OARD1: variants seen among roughly 807,000 people sequenced by gnomAD.
The protein encoded by OARD1 is ADP-ribose glycohydrolase OARD1.
Under a neutral mutation model 19.7 loss-of-function variants are expected in OARD1, and 19 were observed. That is an observed-to-expected ratio of 0.96 (90% confidence interval 0.67 to 1.41). The LOEUF is 1.41. Ranked by LOEUF, OARD1 falls within the 40% of genes most tolerant of loss-of-function variation. The pLI is 0.00. For missense variants in OARD1, 190 were observed against 183.8 expected, an observed-to-expected ratio of 1.03 and a Z score of -0.20; for synonymous variants, 70 against 61.8, an observed-to-expected ratio of 1.13 and a Z score of -0.62.
At chr6:41,071,980 C>G (rs1763445372) in intron 1 of OARD1, 1 of 340,054 alleles carries the variant, frequency 2.9e-6, no homozygotes, top group Non-Finnish European at 5.5e-6. Context: ...GGAGCAAGGC[C>G]GATTTAGGAC....
At chr6:41,081,602 C>T (rs1164833687) in intron 1 of OARD1, among the ~76,000 whole-genome samples, 1 of 152,134 alleles carries the variant, frequency 6.6e-6, no homozygotes, top group African/African-American at 2.4e-5. Flanking sequence ...CATATACAGA[C>T]ACACATAAAC....
chr6:41,079,644 G>A (rs1451500534), intron 1 of OARD1, among the ~76,000 whole-genome samples: 5 of 152,154 alleles, frequency 3.3e-5, no homozygotes, highest in Non-Finnish European at 5.9e-5. Flanking sequence ...AGACATACTA[G>A]AAAGGAATTC....
chr6:41,096,144 A>G (rs1764350271), intron 1 of OARD1, among the ~76,000 whole-genome samples: 1 of 152,130 alleles, frequency 6.6e-6, no homozygotes, highest in Admixed American at 6.5e-5. Flanking sequence ...AATAGTTCTC[A>G]TTTCTTAACT....
At chr6:41,073,559 C>T (rs983268469), upstream of OARD1, among the ~76,000 whole-genome samples, 1 of 152,036 alleles carries the variant, frequency 6.6e-6, no homozygotes, top group Non-Finnish European at 1.5e-5. Flanking sequence ...CCCCGGGGCC[C>T]GCGCCCCCCG....
chr6:41,070,870 TCA>T, intron 3 of OARD1: 1 of 600,974 alleles, frequency 1.7e-6, no homozygotes, highest in Non-Finnish European at 2.9e-6. Flanking sequence ...ACTAAGCATC[TCA>T]GAGTTATTTC....
At chr6:41,089,465 T>C (rs1764139419) in intron 1 of OARD1, 2 of 1,239,316 alleles carry the variant, frequency 1.6e-6, no homozygotes, top group African/African-American at 1.5e-5. Flanking sequence ...GCAGGACTTC[T>C]TTTTTCCTCT....
intron 1 of OARD1, among the ~76,000 whole-genome samples, chr6:41,086,411 A>G (rs1304048204): frequency 6.6e-6 from 1 of 152,188 alleles, no homozygotes; most frequent in Admixed American, 6.5e-5. Context: ...AAGTAGGGCT[A>G]TAACTAACCA....
chr6:41,070,707 A>G (rs1171488222), intron 3 of OARD1: 3 of 289,428 alleles, frequency 1.0e-5, no homozygotes, highest in Non-Finnish European at 1.9e-5. Flanking sequence ...CTGTTGCAGA[A>G]GCTTTACATA....
upstream of OARD1, among the ~76,000 whole-genome samples, chr6:41,074,335 C>T (rs111292721): frequency 1.3e-5 from 2 of 152,120 alleles, no homozygotes; most frequent in Non-Finnish European, 2.9e-5. Context: ...AGGTATAATC[C>T]GTGTGTTAGG....
chr6:41,089,593 A>G (rs1479421600), intron 1 of OARD1: 1 of 1,612,428 alleles, frequency 6.2e-7, no homozygotes, highest in East Asian at 2.2e-5. Flanking sequence ...AGTTGGTCCC[A>G]CCTGGACAGA....
chr6:41,089,078 G>C (rs890235613), intron 1 of OARD1, among the ~76,000 whole-genome samples: 1 of 151,980 alleles, frequency 6.6e-6, no homozygotes, highest in Non-Finnish European at 1.5e-5. Flanking sequence ...CTCCGCCTCC[G>C]GTTCAAGTGA....
rs1581993323 is a variant in OARD1, at chr6:41,064,966, T to A, written c.*2369A>T. The stretch of plus-strand genomic sequence containing the variant: ...CTATGTGGAAGCAAAAATTCACAGG[T>A]GAATTTCCGGGTGTTTGCCAAACTC... On this transcript the variant is annotated 3_prime_UTR_variant, in exon 6 of 6. Transcript: ENST00000424266. The A allele has an allele frequency of 6.6e-6, 1 of 151,844 alleles. No individual in the cohort carries two copies. Among genetic ancestry groups the A allele is most frequent in the Admixed American group, 6.6e-5 (1 of 15,242 alleles). The allele number at this position is 151,844 out of a possible 1,614,324, so 9.4% of individuals were successfully genotyped here.
chr6:41,091,999 G>T (rs1274437972), intron 1 of OARD1, among the ~76,000 whole-genome samples: 2 of 152,172 alleles, frequency 1.3e-5, no homozygotes, highest in African/African-American at 4.8e-5. Flanking sequence ...TCTTTGAGAA[G>T]TGGAAAGTAG....
At chr6:41,077,130 C>T (rs375381906), upstream of OARD1, among the ~76,000 whole-genome samples, 17 of 152,004 alleles carry the variant, frequency 1.1e-4, no homozygotes, top group African/African-American at 4.1e-4. Flanking sequence ...GGATATTAGT[C>T]AAGGAAAAAA....
intron 1 of OARD1, 137 bp from the exon 2 acceptor site, chr6:41,071,812 G>T: frequency 3.4e-6 from 2 of 592,776 alleles, no homozygotes; most frequent in Non-Finnish European, 6.1e-6. Flanking sequence ...CCCCTGGGAC[G>T]TAATACAAAA....
chr6:41,068,911 A>C lies in OARD1; in HGVS notation c.286T>G (p.Leu96Val). 1 of 1,610,402 alleles carries C rather than the reference A, an allele frequency of 6.2e-7. No homozygotes were observed. Among genetic ancestry groups the C allele is most frequent in the Admixed American group, 1.7e-5 (1 of 59,534 alleles). Residue 96 changes from leucine (L) to valine (V), a missense_variant, in exon 5 of 6, where the codon TTA becomes GTA. Coordinates refer to ENST00000424266, the MANE Select transcript of OARD1 (RefSeq NM_001329686.2). ...TTCATTGCCTCTAAACTCTTCTGTA[A>C]GTTTTCATAAGTTGGCTTGTGCGAA... ...RASHKPTYEN[L>V]QKSLEAMKSH... is the part of the protein sequence containing the mutation.
chr6:41,065,704 C>T lies in OARD1; in HGVS notation c.*1631G>A, dbSNP rs1040388397. On this transcript the variant is annotated 3_prime_UTR_variant, in exon 6 of 6. Transcript: ENST00000424266. ...AAATACTTTTTTGAAACTGTTGCCT[C>T]TTATCAGGCTGATATGTGATAAGAA... is the stretch of plus-strand genomic sequence containing the variant. 6.6e-6 allele frequency: 1 copy of T among 152,170 alleles called. No homozygotes were observed. Among genetic ancestry groups the T allele is most frequent in the Admixed American group, 6.5e-5 (1 of 15,278 alleles). 9.4% of individuals were successfully genotyped at this position (152,170 alleles called of 1,614,324 possible).
At chr6:41,067,840 G>A (rs895751498) in intron 5 of OARD1, among the ~76,000 whole-genome samples, 3 of 152,194 alleles carry the variant, frequency 2.0e-5, no homozygotes, top group Admixed American at 6.5e-5. Flanking sequence ...AGGAGAAGAG[G>A]AATGAGGTAC....
upstream of OARD1, among the ~76,000 whole-genome samples, chr6:41,077,112 A>G (rs1450137280): frequency 6.6e-6 from 1 of 152,236 alleles, no homozygotes; most frequent in Admixed American, 6.5e-5. Flanking sequence ...GTAAAGATGT[A>G]AACTTCTGGA....
Sources: allele counts gnomAD v4.1 joint callset (sites outside exome capture counted in the v4.1 genomes callset), GRCh38; gene constraint gnomAD v4.1.1; transcripts MANE v1.5; gene names NCBI Gene and HGNC (gene_info 2026-07-23, HGNC 2026-07-21).